KRTAP10-3: variants seen among roughly 807,000 people sequenced by gnomAD.
KRTAP10-3 encodes the protein keratin associated protein 10-3.
For synonymous variants in KRTAP10-3, 151 were observed against 126.2 expected, an observed-to-expected ratio of 1.20 and a Z score of -1.32; for missense variants, 341 against 293.4, an observed-to-expected ratio of 1.16 and a Z score of -1.19.
rs782266874 is a variant in KRTAP10-3 at position 44,558,197 on chromosome 21, G to A, written c.519C>T (p.Pro173=). Residue 173 remains proline (P), a synonymous_variant, in exon 1 of 1, where the codon CCC becomes CCT. Transcript: ENST00000391620. ...RPVCRSTCCV[P]IPSCCAPAST... is the part of the protein sequence containing the mutation. ...AGGCAGGGGCACAGCAGGAGGGGAT[G>A]GGCACACAGCAGGTGGACCTGCACA... 1.9e-6 allele frequency: 3 copies of A among 1,554,272 alleles called. No individual in the cohort carries two copies. Among genetic ancestry groups the A allele is most frequent in the Middle Eastern group, 3.4e-4 (2 of 5,840 alleles).
At position 44,558,165 on chromosome 21, in the gene KRTAP10-3, C is replaced by T. The variant is rs376240470; in HGVS notation, c.551G>A (p.Cys184Tyr). 41 of 1,611,288 alleles carry T rather than the reference C, an allele frequency of 2.5e-5. No individual in the cohort carries two copies. The highest frequency in any genetic ancestry group is 6.6e-5 in the South Asian group (6 of 90,594). ...IPSCCAPAST[C>Y]QPSCCRPASC... ...GGCCGGGCGGCAGCAGCTGGGCTGG[C>T]AGGTGGAGGCAGGGGCACAGCAGGA... Residue 184 changes from cysteine (C) to tyrosine (Y), a missense_variant, in exon 1 of 1, where the codon TGC (cysteine) becomes TAC (tyrosine). Coordinates refer to ENST00000391620, the MANE Select transcript of KRTAP10-3 (RefSeq NM_198696.3).
Position 44,557,824 on chromosome 21 carries a change from T to G in KRTAP10-3, c.*226A>C. On this transcript the variant is annotated 3_prime_UTR_variant, in exon 1 of 1. Coordinates refer to ENST00000391620, the MANE Select transcript of KRTAP10-3 (RefSeq NM_198696.3). The stretch of plus-strand genomic sequence containing the variant: ...TTGGTGACTTTATTTGTTGACAGAC[T>G]GATCACTCACATGGGGCAGGACACA... The G allele has an allele frequency of 1.7e-6, 1 of 598,782 alleles. No homozygotes were observed. Among genetic ancestry groups the G allele is most frequent in the Non-Finnish European group, 2.9e-6 (1 of 341,224 alleles). The allele number at this position is 598,782 out of a possible 1,614,324, so 37.1% of individuals were successfully genotyped here. A position where few individuals can be genotyped will look rare whatever the true frequency, so the allele number is the denominator to read the frequency against.
chr21:44,558,710 G>A lies in KRTAP10-3; in HGVS notation c.6C>T (p.Ala2=), dbSNP rs782584257. 5.6e-6 allele frequency: 9 copies of A among 1,594,790 alleles called. No homozygotes were observed. The highest frequency in any genetic ancestry group is 5.1e-5 in the Admixed American group (3 of 59,124). ...TGGAGCAGACGGACATGGTAGACGT[G>A]GCCATGCTGGGGTGGGGAGGAGGTG... M[A]TSTMSVCSSA... The change falls in exon 1 of 1, where the codon GCC becomes GCT. Residue 2 remains alanine (A), a synonymous_variant. Transcript: ENST00000391620.
In KRTAP10-3 at chr21:44,558,563, G is replaced by C; in HGVS notation, c.153C>G (p.Ser51Arg). The stretch of plus-strand genomic sequence containing the variant: ...CCTGGCAGCAGGGGCTGGACACACA[G>C]CTCACTGGGGTGCAGACCAGGGTCA... ...PCLTLVCTPV[S>R]CVSSPCCQAA... The change falls in exon 1 of 1, where the codon AGC becomes AGG. Residue 51 changes from serine (S) to arginine (R), a missense_variant. By Grantham distance (110) the Ser-to-Arg change is moderately radical. Coordinates refer to ENST00000391620, the MANE Select transcript of KRTAP10-3 (RefSeq NM_198696.3). 1 of 1,613,224 alleles carries C rather than the reference G, an allele frequency of 6.2e-7. No homozygotes were observed. The highest frequency in any genetic ancestry group is 8.5e-7 in the Non-Finnish European group (1 of 1,179,882).
chr21:44,557,894 T>G lies in KRTAP10-3; in HGVS notation c.*156A>C, dbSNP rs1555920083. The G allele has an allele frequency of 1.1e-6, 1 of 875,362 alleles. No individual in the cohort carries two copies. The highest frequency in any genetic ancestry group is 1.7e-6 in the Non-Finnish European group (1 of 575,386). 54.2% of individuals were successfully genotyped at this position (875,362 alleles called of 1,614,324 possible). On this transcript the variant is annotated 3_prime_UTR_variant, in exon 1 of 1. Transcript: ENST00000391620. Reference sequence around the variant, plus strand: ...CATGGAGATGAGGGTGTGGGAGAGATGCATGCCTGGAGGGAATCGGCATGA... The same window carrying G: ...CATGGAGATGAGGGTGTGGGAGAGAGGCATGCCTGGAGGGAATCGGCATGA...
Position 44,557,858 on chromosome 21 carries a change from CG to C in KRTAP10-3, c.*191del. On this transcript the variant is annotated 3_prime_UTR_variant, in exon 1 of 1. Transcript: ENST00000391620. Reference sequence around the variant, plus strand: ...ACATGGGGCAGGACACAGTGACCACCGGCTGGCCAGCATGGAGATGAGGGTG... The same window carrying C: ...ACATGGGGCAGGACACAGTGACCACCGCTGGCCAGCATGGAGATGAGGGTG... 1.5e-6 allele frequency: 1 copy of C among 685,718 alleles called. No homozygotes were observed. The allele number at this position is 685,718 out of a possible 1,614,324, so 42.5% of individuals were successfully genotyped here.
At position 44,558,129 on chromosome 21, in the gene KRTAP10-3, G is replaced by C. The variant is rs587625824; in HGVS notation, c.587C>G (p.Ser196Cys). The change falls in exon 1 of 1, where the codon TCC becomes TGC. Residue 196 changes from serine to cysteine, a missense_variant. Ser to Cys is a moderately radical substitution (Grantham distance 112). Coordinates refer to ENST00000391620, the MANE Select transcript of KRTAP10-3 (RefSeq NM_198696.3). ...PSCCRPASCV[S>C]LLCRPTCSRL... ...GGAGCACGTGGGGCGGCAGAGGAGG[G>C]ACACGCAGGAGGCCGGGCGGCAGCA... 9 of 1,613,162 alleles carry C rather than the reference G, an allele frequency of 5.6e-6. No homozygotes were observed. The highest frequency in any genetic ancestry group is 7.6e-6 in the Non-Finnish European group (9 of 1,179,556).
rs1406751918 is a variant in KRTAP10-3 at position 44,558,107 on chromosome 21, G to A, written c.609C>T (p.Cys203=). The A allele has an allele frequency of 3.5e-5, 56 of 1,610,660 alleles. No homozygotes were observed. The highest frequency in any genetic ancestry group is 4.4e-5 in the Non-Finnish European group (52 of 1,177,816). Residue 203 remains cysteine, a synonymous_variant, in exon 1 of 1, where the codon TGC becomes TGT. Coordinates refer to ENST00000391620, the MANE Select transcript of KRTAP10-3 (RefSeq NM_198696.3). The stretch of plus-strand genomic sequence containing the variant: ...CGCAGCACGCGGAAGAGAGGCGGGA[G>A]CACGTGGGGCGGCAGAGGAGGGACA... ...SCVSLLCRPT[C]SRLSSACCGL... is the part of the protein sequence containing the mutation.
Position 44,558,422 on chromosome 21 carries a change from G to C in KRTAP10-3, c.294C>G (p.Ala98=). ...GCTTGCAGCAGACAGGCACGCAGCA[G>C]GCCTGCTGGCAGGGGGAGGATGTGC... The part of the protein sequence containing the change: ...ACCTSSPCQQ[A]CCVPVCCKPV... The change falls in exon 1 of 1, where the codon GCC becomes GCG. Residue 98 remains alanine, a synonymous_variant. Coordinates refer to ENST00000391620, the MANE Select transcript of KRTAP10-3 (RefSeq NM_198696.3). 6.2e-7 allele frequency: 1 copy of C among 1,614,090 alleles called. No homozygotes were observed. Among genetic ancestry groups the C allele is most frequent in the South Asian group, 1.1e-5 (1 of 91,080 alleles).
Position 44,558,108 on chromosome 21 carries a change from C to T in KRTAP10-3, c.608G>A (p.Cys203Tyr). 1 of 1,610,358 alleles carries T rather than the reference C, an allele frequency of 6.2e-7. No homozygotes were observed. Among genetic ancestry groups the T allele is most frequent in the Admixed American group, 1.7e-5 (1 of 59,912 alleles). The change falls in exon 1 of 1, where the codon TGC becomes TAC. Residue 203 changes from cysteine to tyrosine, a missense_variant. Cys to Tyr is a radical substitution (Grantham distance 194). Coordinates refer to ENST00000391620, the MANE Select transcript of KRTAP10-3 (RefSeq NM_198696.3). ...SCVSLLCRPT[C>Y]SRLSSACCGL... ...GCAGCACGCGGAAGAGAGGCGGGAG[C>T]ACGTGGGGCGGCAGAGGAGGGACAC...
rs782024992 is a variant in KRTAP10-3 at position 44,558,557 on chromosome 21, C to T, written c.159G>A (p.Val53=). The part of the protein sequence containing the change: ...LTLVCTPVSC[V]SSPCCQAACE... The stretch of plus-strand genomic sequence containing the variant: ...AGGCCGCCTGGCAGCAGGGGCTGGA[C>T]ACACAGCTCACTGGGGTGCAGACCA... The change falls in exon 1 of 1, where the codon GTG becomes GTA. Residue 53 remains valine (V), a synonymous_variant. Coordinates refer to ENST00000391620, the MANE Select transcript of KRTAP10-3 (RefSeq NM_198696.3). The T allele has an allele frequency of 2.0e-5, 32 of 1,613,078 alleles. No homozygotes were observed. Among genetic ancestry groups the T allele is most frequent in the Non-Finnish European group, 2.5e-5 (29 of 1,179,878 alleles).
In KRTAP10-3 at chr21:44,558,194, G is replaced by GCACAGC. The variant is rs1352189431; in HGVS notation, c.521_522insGCTGTG (p.Ile174delinsMetLeuCys). On this transcript the variant is annotated protein_altering_variant, in exon 1 of 1. Coordinates refer to ENST00000391620, the MANE Select transcript of KRTAP10-3 (RefSeq NM_198696.3). ...TGGAGGCAGGGGCACAGCAGGAGGG[G>GCACAGC]ATGGGCACACAGCAGGTGGACCTGC... 6.4e-7 allele frequency: 1 copy of GCACAGC among 1,554,136 alleles called. No individual in the cohort carries two copies. Among genetic ancestry groups the GCACAGC allele is most frequent in the Non-Finnish European group, 8.8e-7 (1 of 1,138,284 alleles).
chr21:44,558,164 GCA>G lies in KRTAP10-3; in HGVS notation c.550_551del (p.Cys184ProfsTer71). On this transcript the variant is annotated frameshift_variant, in exon 1 of 1. Transcript: ENST00000391620. LOFTEE classifies it low-confidence loss of function (END_TRUNC). The stretch of plus-strand genomic sequence containing the variant: ...AGGCCGGGCGGCAGCAGCTGGGCTG[GCA>G]GGTGGAGGCAGGGGCACAGCAGGAG... ...IPSCCAPAST[C>X]QPSCCRPASC... 1 of 1,611,314 alleles carries G rather than the reference GCA, an allele frequency of 6.2e-7. No individual in the cohort carries two copies. Among genetic ancestry groups the G allele is most frequent in the Non-Finnish European group, 8.5e-7 (1 of 1,178,824 alleles).
rs1555920265 is a variant in KRTAP10-3, at chr21:44,558,254, G to A, written c.462C>T (p.Pro154=). 8 of 1,614,082 alleles carry A rather than the reference G, an allele frequency of 5.0e-6. No homozygotes were observed. The highest frequency in any genetic ancestry group is 6.8e-6 in the Non-Finnish European group (8 of 1,179,984). Residue 154 remains proline (P), a synonymous_variant, in exon 1 of 1, where the codon CCC becomes CCT. Transcript: ENST00000391620. ...PACCTTSCCR[P]SSSVSLLCRP... ...GGCAGAGGAGGGACACGGAGGAGGA[G>A]GGTCTGCAGCAGGAGGTGGTGCAGC...
Position 44,558,135 on chromosome 21 carries a change from C to A in KRTAP10-3, c.581G>T (p.Cys194Phe). 6.2e-7 allele frequency: 1 copy of A among 1,612,326 alleles called. No individual in the cohort carries two copies. Among genetic ancestry groups the A allele is most frequent in the Non-Finnish European group, 8.5e-7 (1 of 1,179,306 alleles). Residue 194 changes from cysteine to phenylalanine, a missense_variant, in exon 1 of 1, where the codon TGC (cysteine) becomes TTC (phenylalanine). Coordinates refer to ENST00000391620, the MANE Select transcript of KRTAP10-3 (RefSeq NM_198696.3). ...CGTGGGGCGGCAGAGGAGGGACACG[C>A]AGGAGGCCGGGCGGCAGCAGCTGGG... ...CQPSCCRPAS[C>F]VSLLCRPTCS...
Position 44,557,858 on chromosome 21 carries a change from C to T in KRTAP10-3, c.*192G>A, listed in dbSNP as rs782023520. On this transcript the variant is annotated 3_prime_UTR_variant, in exon 1 of 1. Transcript: ENST00000391620. ...ACATGGGGCAGGACACAGTGACCAC[C>T]GGCTGGCCAGCATGGAGATGAGGGT... 9.0e-5 allele frequency: 62 copies of T among 685,600 alleles called. No homozygotes were observed. Among genetic ancestry groups the T allele is most frequent in the Middle Eastern group, 8.0e-4 (2 of 2,494 alleles). 42.5% of individuals were successfully genotyped at this position (685,600 alleles called of 1,614,324 possible).
At position 44,557,858 on chromosome 21, in the gene KRTAP10-3, C is replaced by G; in HGVS notation, c.*192G>C. The stretch of plus-strand genomic sequence containing the variant: ...ACATGGGGCAGGACACAGTGACCAC[C>G]GGCTGGCCAGCATGGAGATGAGGGT... On this transcript the variant is annotated 3_prime_UTR_variant, in exon 1 of 1. Transcript: ENST00000391620. The G allele has an allele frequency of 2.9e-6, 2 of 685,718 alleles. No homozygotes were observed. Among genetic ancestry groups the G allele is most frequent in the Non-Finnish European group, 2.4e-6 (1 of 410,428 alleles). 42.5% of individuals were successfully genotyped at this position (685,718 alleles called of 1,614,324 possible). A position where few individuals can be genotyped will look rare whatever the true frequency, so the allele number is the denominator to read the frequency against.
At position 44,558,060 on chromosome 21, in the gene KRTAP10-3, G is replaced by C. The variant is rs1303161923; in HGVS notation, c.656C>G (p.Ser219Cys). 3 of 1,605,798 alleles carry C rather than the reference G, an allele frequency of 1.9e-6. No individual in the cohort carries two copies. Among genetic ancestry groups the C allele is most frequent in the Admixed American group, 1.7e-5 (1 of 59,684 alleles). The part of the protein sequence containing the change: ...ACCGLSSGQK[S>C]SC ...AACGGGACCTGCCCGTCAGCAGCTG[G>C]ACTTCTGGCCTGAGGAGAGGCCGCA... The change falls in exon 1 of 1, where the codon TCC becomes TGC. Residue 219 changes from serine to cysteine, a missense_variant. Coordinates refer to ENST00000391620, the MANE Select transcript of KRTAP10-3 (RefSeq NM_198696.3).
Position 44,558,722 on chromosome 21 carries a change from G to C in KRTAP10-3, c.-7C>G. ...ACATGGTAGACGTGGCCATGCTGGGGTGGGGAGGAGGTGAGCTGGGGGAGA... is the reference window on the plus strand; with the variant it reads ...ACATGGTAGACGTGGCCATGCTGGGCTGGGGAGGAGGTGAGCTGGGGGAGA... On this transcript the variant is annotated 5_prime_UTR_variant, in exon 1 of 1. Transcript: ENST00000391620. 1.3e-6 allele frequency: 2 copies of C among 1,586,794 alleles called. No homozygotes were observed. The highest frequency in any genetic ancestry group is 1.7e-6 in the Non-Finnish European group (2 of 1,165,774).
Sources: allele counts gnomAD v4.1 joint callset, GRCh38; gene constraint gnomAD v4.1.1; transcripts MANE v1.5; gene names NCBI Gene and HGNC (gene_info 2026-07-23, HGNC 2026-07-21).